ARHGAP23: variants seen among roughly 807,000 people sequenced by gnomAD.
ARHGAP23 encodes rho GTPase-activating protein 23.
A neutral mutation model predicts 136.3 loss-of-function variants in ARHGAP23; 34 were observed. The ratio of observed to expected loss-of-function variants is 0.25; its 90% CI spans 0.19 to 0.33. The LOEUF (loss-of-function observed/expected upper bound fraction) is 0.33, where lower values mean the gene tolerates loss of function less well. Ranked by LOEUF, ARHGAP23 falls within the 10% of genes least tolerant of loss-of-function variation. The pLI is 1.00. For missense variants in ARHGAP23, 1,808 were observed against 2,139.0 expected, an observed-to-expected ratio of 0.85 and a Z score of 3.05; for synonymous variants, 832 against 920.5, an observed-to-expected ratio of 0.90 and a Z score of 1.74.
intron 1 of ARHGAP23, among the ~76,000 whole-genome samples, chr17:38,429,391 C>G (rs1038865608): frequency 6.6e-6 from 1 of 152,240 alleles, no homozygotes; most frequent in Non-Finnish European, 1.5e-5. Context: ...CCTCCCTGCT[C>G]CTAAGTTGAA....
chr17:38,489,602 A>G (rs1005090638), intron 17 of ARHGAP23, among the ~76,000 whole-genome samples: 139 of 152,166 alleles, frequency 9.1e-4, no homozygotes, highest in African/African-American at 3.3e-3. Flanking sequence ...CTTTCTTTAA[A>G]AACTATTCCT....
rs1449515925 is a variant in ARHGAP23, at chr17:38,510,557, C to T, written c.4061C>T (p.Ser1354Leu). Residue 1354 changes from serine (S) to leucine (L), a missense_variant, in exon 24 of 24, where the codon TCG becomes TTG. Ser to Leu is a moderately radical substitution (Grantham distance 145). Around this residue, in one of 7 missense-constraint regions of ARHGAP23, gnomAD observed 506 missense variants for 455.8 expected, o/e 1.11. Coordinates refer to ENST00000622683, the MANE Select transcript of ARHGAP23 (RefSeq NM_001199417.2). This position sits in a 1 kb window ranked among gnomAD's most constrained non-coding sequence, Gnocchi z 4.6. ...TCGGCGTCGTCCAGCAGCCAGGAGTCGCTGCGGCCCCCGGCGGCGGCGCTG... is the reference window on the plus strand; with the variant it reads ...TCGGCGTCGTCCAGCAGCCAGGAGTTGCTGCGGCCCCCGGCGGCGGCGCTG... ...PGSASSSSQE[S>L]LRPPAAALAS... 5.7e-6 allele frequency: 7 copies of T among 1,221,222 alleles called. No homozygotes were observed. Among genetic ancestry groups the T allele is most frequent in the East Asian group, 3.6e-5 (1 of 27,432 alleles). The allele number at this position is 1,221,222 out of a possible 1,614,324, so 75.6% of individuals were successfully genotyped here. A position where few individuals can be genotyped will look rare whatever the true frequency, so the allele number is the denominator to read the frequency against.
intron 1 of ARHGAP23, among the ~76,000 whole-genome samples, chr17:38,422,960 G>A (rs996473603): frequency 1.3e-5 from 2 of 152,086 alleles, no homozygotes; most frequent in Admixed American, 6.5e-5. Flanking sequence ...TTTCTCTGAC[G>A]TTTGCTAGTA....
At chr17:38,482,337 C>T (rs751543430) in intron 15 of ARHGAP23, among the ~76,000 whole-genome samples, 186 bp from the exon 16 acceptor site, 64 of 152,356 alleles carry the variant, frequency 4.2e-4, no homozygotes, top group Admixed American at 1.4e-3. Context: ...AGGCTGAGCC[C>T]GGCTCCTTCT....
At chr17:38,449,450 C>T (rs1291544043) in intron 1 of ARHGAP23, among the ~76,000 whole-genome samples, 1 of 152,210 alleles carries the variant, frequency 6.6e-6, no homozygotes, top group East Asian at 1.9e-4. Context: ...GGCTCATCAA[C>T]TTGGCCTGCT....
Position 38,506,481 on chromosome 17 carries a change from A to C in ARHGAP23, c.3448-3463A>C, listed in dbSNP as rs140351484. Among the ~76,000 whole-genome samples, 719 of 152,308 alleles carry C rather than the reference A, an allele frequency of 4.7e-3. 9 individuals are homozygous for C. Among genetic ancestry groups the C allele is most frequent in the African/African-American group, 0.017 (699 of 41,560 alleles). ...GCTGCTGTAATAAAATGCCATAGCT[A>C]GGTGCCTCAGACAACAGAAATTGAT... is the stretch of plus-strand genomic sequence containing the variant. On this transcript the variant is annotated intron_variant, in intron 23 of 23. Transcript: ENST00000622683.
Position 38,482,050 on chromosome 17 carries a change from CT to C in ARHGAP23, c.2659del (p.Trp887GlyfsTer35), listed in dbSNP as rs1463002668. ...DDSAAAPKTPWGINIIKKNKK... is the reference protein window; with the variant it reads ...DDSAAAPKTPXGINIIKKNKK... ...ACAGTGCTGCAGCCCCCAAAACCCC[CT>C]GGGGCATCAACATCATCAAGAAAAA... On this transcript the variant is annotated frameshift_variant, in exon 15 of 24. Transcript: ENST00000622683. LOFTEE classifies it high-confidence loss of function. 1 of 1,549,438 alleles carries C rather than the reference CT, an allele frequency of 6.5e-7. No homozygotes were observed. Among genetic ancestry groups the C allele is most frequent in the African/African-American group, 1.4e-5 (1 of 73,020 alleles).
intron 14 of ARHGAP23, among the ~76,000 whole-genome samples, chr17:38,481,248 G>T (rs1309697702): frequency 6.6e-6 from 1 of 151,842 alleles, no homozygotes; most frequent in South Asian, 2.1e-4. Context: ...CTGGGTTCAC[G>T]CCATTCTCCT....
At chr17:38,421,829 G>A (rs958211747) in intron 1 of ARHGAP23, among the ~76,000 whole-genome samples, 1 of 152,232 alleles carries the variant, frequency 6.6e-6, no homozygotes, top group East Asian at 1.9e-4. Flanking sequence ...GCTTCGACGG[G>A]GAGGTGGGAG....
At position 38,440,590 on chromosome 17, in the gene ARHGAP23, G is replaced by A. The variant is rs35313246; in HGVS notation, c.63+12042G>A. ...GGACCTGAAACCTGGCCTCTGACTCGTCTTCCCTTGTGTCACTGGCCCCCC... is the reference window on the plus strand; with the variant it reads ...GGACCTGAAACCTGGCCTCTGACTCATCTTCCCTTGTGTCACTGGCCCCCC... On this transcript the variant is annotated intron_variant, in intron 1 of 23. Coordinates refer to ENST00000622683, the MANE Select transcript of ARHGAP23 (RefSeq NM_001199417.2). Among the ~76,000 whole-genome samples the A allele has an allele frequency of 9.7e-3, 1,477 of 152,306 alleles. 23 individuals carry two copies. The highest frequency in any genetic ancestry group is 0.032 in the African/African-American group (1,314 of 41,572).
At chr17:38,444,881 G>C (rs1252591151) in intron 1 of ARHGAP23, among the ~76,000 whole-genome samples, 1 of 151,586 alleles carries the variant, frequency 6.6e-6, no homozygotes, top group Non-Finnish European at 1.5e-5. Context: ...GCAATGGCGT[G>C]ATCTCGGCTC....
At chr17:38,508,826 G>A (rs1237953934) in intron 23 of ARHGAP23, among the ~76,000 whole-genome samples, 1 of 152,128 alleles carries the variant, frequency 6.6e-6, no homozygotes, top group Non-Finnish European at 1.5e-5. Flanking sequence ...GTTCCGGATA[G>A]GTGAGTTTTA....
At chr17:38,427,462 G>GAA (rs11408302), upstream of ARHGAP23, among the ~76,000 whole-genome samples, 217 of 144,714 alleles carry the variant, frequency 1.5e-3, no homozygotes, top group African/African-American at 3.7e-3. Context: ...AGACCCTGCC[G>GAA]AAAAAAAAAA....
At chr17:38,456,107 C>T (rs964901912) in intron 1 of ARHGAP23, among the ~76,000 whole-genome samples, 6 of 152,212 alleles carry the variant, frequency 3.9e-5, no homozygotes, top group African/African-American at 1.2e-4. Flanking sequence ...TGGAGCTCCA[C>T]TCAGCCTCTT....
rs2040069694 is a variant in ARHGAP23, at chr17:38,482,532, T to G, written c.2761T>G (p.Leu921Val). 1 of 1,546,556 alleles carries G rather than the reference T, an allele frequency of 6.5e-7. No individual in the cohort carries two copies. The highest frequency in any genetic ancestry group is 1.4e-5 in the African/African-American group (1 of 72,964). ...TCCCATGTGTCCCCAGCGCGTCCCC[T>G]TAATCGTGGCTGCATGCTGTCGCAT... The part of the protein sequence containing the change: ...QPATENQRVP[L>V]IVAACCRIVE... Residue 921 changes from leucine (L) to valine (V), a missense_variant, in exon 16 of 24, where the codon TTA becomes GTA. Coordinates refer to ENST00000622683, the MANE Select transcript of ARHGAP23 (RefSeq NM_001199417.2).
intron 1 of ARHGAP23, among the ~76,000 whole-genome samples, chr17:38,433,966 C>T (rs1025564910): frequency 5.9e-5 from 9 of 152,170 alleles, no homozygotes; most frequent in African/African-American, 2.2e-4. Flanking sequence ...AGGTGTGCCA[C>T]TACACCTGGC....
intron 1 of ARHGAP23, among the ~76,000 whole-genome samples, chr17:38,453,438 T>G (rs1482335671): frequency 7.2e-6 from 1 of 139,234 alleles, no homozygotes. Flanking sequence ...TGTGTGTGTG[T>G]GTGTGTGTGT....
chr17:38,452,682 T>TG (rs1255956087), intron 1 of ARHGAP23, among the ~76,000 whole-genome samples: 4 of 152,182 alleles, frequency 2.6e-5, no homozygotes, highest in Non-Finnish European at 2.9e-5. Context: ...GTGATATTGT[T>TG]GGTGAACAGT....
At chr17:38,461,030 C>A in intron 3 of ARHGAP23, 98 bp downstream of exon 3, 1 of 1,482,740 alleles carries the variant, frequency 6.7e-7, no homozygotes. Context: ...CTTTTCTGTG[C>A]CCCCCTCCCT....
Sources: allele counts gnomAD v4.1 joint callset (sites outside exome capture counted in the v4.1 genomes callset), GRCh38; gene constraint gnomAD v4.1.1; regional missense constraint gnomAD v4.1.1; non-coding constraint Gnocchi (gnomAD v3.1); transcripts MANE v1.5; gene names NCBI Gene and HGNC (gene_info 2026-07-23, HGNC 2026-07-21).